The following LRRC7 variants were observed in gnomAD, a reference collection of about 807,000 sequenced individuals.
The protein encoded by LRRC7 is leucine-rich repeat-containing protein 7.
Under a neutral mutation model 175.7 loss-of-function variants are expected in LRRC7, and 23 were observed. The ratio of observed to expected loss-of-function variants is 0.13; its 90% CI spans 0.09 to 0.19. The LOEUF is 0.19. Among genes scored for constraint, LRRC7 ranks in the 10% least tolerant of loss-of-function variants. The pLI is 1.00. For missense variants in LRRC7, 1,354 were observed against 1,904.7 expected (o/e 0.71, Z 5.38); for synonymous variants, 685 against 680.9 (o/e 1.01, Z -0.09).
At chr1:69,833,185 C>T (rs1680724825) in intron 5 of LRRC7, among the ~76,000 whole-genome samples, 1 of 151,930 alleles carries the variant, frequency 6.6e-6, no homozygotes, top group African/African-American at 2.4e-5. Flanking sequence ...GAATACTATG[C>T]TATGATGGCC....
intron 1 of LRRC7, among the ~76,000 whole-genome samples, chr1:69,600,418 T>G (rs1647006568): frequency 6.6e-6 from 1 of 152,146 alleles, no homozygotes; most frequent in Non-Finnish European, 1.5e-5. Flanking sequence ...CCTTGACAGT[T>G]GAGATGTGTA....
At chr1:69,980,513 A>G (rs2101887939) in intron 9 of LRRC7, 60 bp downstream of exon 9, 6 of 1,284,890 alleles carry the variant, frequency 4.7e-6, no homozygotes, top group Non-Finnish European at 5.6e-6. Context: ...GTTGTATTTG[A>G]TCATAATCTC....
intron 7 of LRRC7, among the ~76,000 whole-genome samples, chr1:69,860,975 T>C (rs1281836822): frequency 6.6e-6 from 1 of 151,984 alleles, no homozygotes; most frequent in East Asian, 1.9e-4. Flanking sequence ...CAAAATACAT[T>C]ATAGGTTATA....
chr1:69,677,873 C>T (rs1253822515), intron 1 of LRRC7, among the ~76,000 whole-genome samples: 4 of 151,960 alleles, frequency 2.6e-5, no homozygotes, highest in African/African-American at 4.8e-5. Context: ...AAATTTGGTT[C>T]CTTGTGCAGG....
Position 69,723,503 on chromosome 1 carries a change from T to A in LRRC7, c.101-36688T>A, listed in dbSNP as rs370361241. 5.3e-5 allele frequency among the ~76,000 whole-genome samples: 8 copies of A among 152,340 alleles called. No homozygotes were observed. In the South Asian group the frequency reaches 1.7e-3, roughly 32 times the overall value. ...CCGACTTCTTTCTTGTTTTCCTTTG[T>A]GTTTTACTGGACAGTTGTCAGAAAT... On this transcript the variant is annotated intron_variant, in intron 2 of 26. Coordinates refer to ENST00000651989, the MANE Select transcript of LRRC7 (RefSeq NM_001370785.2).
rs180781345 is a variant in LRRC7, at chr1:69,838,183, A to G, written c.591-44A>G. 2.7e-4 allele frequency: 379 copies of G among 1,389,440 alleles called. 2 individuals carry two copies. The African/African-American group carries it at 5.0e-3, about 18-fold the overall frequency. 86.1% of individuals were successfully genotyped at this position (1,389,440 alleles called of 1,614,324 possible). A position where few individuals can be genotyped will look rare whatever the true frequency, so the allele number is the denominator to read the frequency against. On this transcript the variant is annotated intron_variant, in intron 6 of 26. Coordinates refer to ENST00000651989, the MANE Select transcript of LRRC7 (RefSeq NM_001370785.2). The stretch of plus-strand genomic sequence containing the variant: ...ACTAGATCTTATTCAATAATTTTTT[A>G]GACAGACATACTAAGAGGAAATTTT...
chr1:69,930,844 C>T (rs532853364), intron 7 of LRRC7, among the ~76,000 whole-genome samples: 5 of 151,350 alleles, frequency 3.3e-5, no homozygotes, highest in South Asian at 4.2e-4. Flanking sequence ...ACCTTCAGAT[C>T]TCATGAGAAT....
intron 7 of LRRC7, chr1:69,920,108 G>A (rs1646841231): frequency 4.2e-6 from 1 of 240,474 alleles, no homozygotes; most frequent in African/African-American, 2.3e-5. Flanking sequence ...GGGCAATGTG[G>A]TGGGAGGAGT....
At chr1:69,924,319 G>GT (rs1201277928) in intron 7 of LRRC7, among the ~76,000 whole-genome samples, 2 of 152,018 alleles carry the variant, frequency 1.3e-5, no homozygotes, top group Admixed American at 6.6e-5. Flanking sequence ...CTTTAAAGTA[G>GT]TTTTTTCCAA....
In LRRC7 at chr1:70,128,707, G is replaced by C. The variant is rs1666546218; in HGVS notation, c.*6820G>C. ...CAACTACATATCAGGTACTATGAGG[G>C]ATGTAATGTGGTCCCCTCAGCACAG... On this transcript the variant is annotated 3_prime_UTR_variant, in exon 27 of 27. Coordinates refer to ENST00000651989, the MANE Select transcript of LRRC7 (RefSeq NM_001370785.2). The C allele has an allele frequency of 1.3e-5, 2 of 152,138 alleles. No homozygotes were observed. Among genetic ancestry groups the C allele is most frequent in the South Asian group, 4.1e-4 (2 of 4,822 alleles). The allele number at this position is 152,138 out of a possible 1,614,324, so 9.4% of individuals were successfully genotyped here. A position where few individuals can be genotyped will look rare whatever the true frequency, so the allele number is the denominator to read the frequency against.
intron 4 of LRRC7, among the ~76,000 whole-genome samples, chr1:69,814,403 T>A (rs1678333822): frequency 6.6e-6 from 1 of 152,278 alleles, no homozygotes; most frequent in Admixed American, 6.5e-5. Context: ...TTATACTTAT[T>A]AATTAAAATT....
At chr1:69,819,908 A>G (rs1333991883) in intron 4 of LRRC7, among the ~76,000 whole-genome samples, 2 of 152,082 alleles carry the variant, frequency 1.3e-5, no homozygotes, top group African/African-American at 4.8e-5. Context: ...TATTATTTCT[A>G]TCCTTCAGCC....
intron 1 of LRRC7, among the ~76,000 whole-genome samples, chr1:69,589,115 GGTGTGTGTGTGTGTGTGTGTGT>G (rs55678803): frequency 7.0e-6 from 1 of 142,354 alleles, no homozygotes; most frequent in Admixed American, 7.0e-5. Flanking sequence ...TCATAAAAAG[GGTGTGTGTGTGTGTGTGTGTGT>G]GTGTGTGTGT....
At chr1:69,961,418 T>C (rs1651074790) in intron 8 of LRRC7, among the ~76,000 whole-genome samples, 1 of 152,178 alleles carries the variant, frequency 6.6e-6, no homozygotes, top group South Asian at 2.1e-4. Flanking sequence ...CAAAGCAATT[T>C]ATAGATTCAA....
At chr1:69,964,311 C>A (rs1028441447) in intron 8 of LRRC7, among the ~76,000 whole-genome samples, 4 of 152,194 alleles carry the variant, frequency 2.6e-5, no homozygotes, top group Non-Finnish European at 5.9e-5. Flanking sequence ...CCTATATGGG[C>A]TATACTACTG....
At chr1:69,688,645 T>TTAA (rs111722010) in intron 2 of LRRC7, among the ~76,000 whole-genome samples, 58 of 148,360 alleles carry the variant, frequency 3.9e-4, no homozygotes, top group Admixed American at 2.5e-3. Context: ...TTTTTTTTTT[T>TTAA]AAAAAAAACC....
At chr1:70,058,372 T>C (rs1661316329) in intron 23 of LRRC7, among the ~76,000 whole-genome samples, 2 of 152,156 alleles carry the variant, frequency 1.3e-5, no homozygotes, top group African/African-American at 2.4e-5. Context: ...TAGAAGAACA[T>C]TTTATAGCTA....
chr1:69,736,807 T>A (rs1404381976), intron 2 of LRRC7, among the ~76,000 whole-genome samples: 1 of 152,144 alleles, frequency 6.6e-6, no homozygotes, highest in Non-Finnish European at 1.5e-5. Flanking sequence ...GCCTATTTAA[T>A]GTAGCCATTG....
At chr1:69,976,124 A>G (rs1652794215) in intron 8 of LRRC7, among the ~76,000 whole-genome samples, 1 of 152,182 alleles carries the variant, frequency 6.6e-6, no homozygotes, top group African/African-American at 2.4e-5. Flanking sequence ...AAATGTCTGT[A>G]TTAGTCAGGA....
Sources: gnomAD v4.1 joint callset for allele counts (sites outside exome capture counted in the v4.1 genomes callset) on GRCh38, gnomAD v4.1.1 for gene constraint, MANE v1.5 for transcripts, NCBI Gene and HGNC (gene_info 2026-07-23, HGNC 2026-07-21) for gene names.